The following SHTN1 variants were observed in gnomAD, a reference collection of about 807,000 sequenced individuals.
SHTN1 encodes shootin-1.
SHTN1 carries 42 observed loss-of-function variants against 83.1 expected under a neutral mutation model. The ratio of observed to expected loss-of-function variants is 0.51; its 90% CI spans 0.39 to 0.65. The LOEUF is 0.65. Among genes scored for constraint, SHTN1 ranks in the 30% least tolerant of loss-of-function variants. The pLI is 0.00. For missense variants in SHTN1, 622 were observed against 737.8 expected (o/e 0.84, Z 1.82); for synonymous variants, 224 against 247.7 (o/e 0.90, Z 0.90).
At chr10:117,101,794 T>C (rs1411822676) in intron 1 of SHTN1, among the ~76,000 whole-genome samples, 1 of 152,180 alleles carries the variant, frequency 6.6e-6, no homozygotes, top group Non-Finnish European at 1.5e-5. Flanking sequence ...TACCAAGTGC[T>C]AGAGTAAGTT....
In SHTN1 at chr10:116,953,935, T is replaced by C. The variant is rs1849882064; in HGVS notation, c.436+107A>G. On this transcript the variant is annotated intron_variant, in intron 5 of 16. Transcript: ENST00000355371. ...TGAGCCACCACGCCCTGCCTAGGCA[T>C]CAGTATTTTGAAAGCTTCCCACATG... The C allele has an allele frequency of 3.2e-6, 3 of 952,034 alleles. No homozygotes were observed. In the South Asian group the frequency reaches 5.8e-5, roughly 19 times the overall value. 59.0% of individuals were successfully genotyped at this position (952,034 alleles called of 1,614,324 possible). A position where few individuals can be genotyped will look rare whatever the true frequency, so the allele number is the denominator to read the frequency against.
intron 1 of SHTN1, among the ~76,000 whole-genome samples, chr10:116,991,599 A>G (rs1851439269): frequency 6.6e-6 from 1 of 152,142 alleles, no homozygotes; most frequent in Admixed American, 6.5e-5. Context: ...TAGCTTCATT[A>G]CTTATTGCTA....
chr10:116,975,152 TA>T (rs1207913016), intron 2 of SHTN1, among the ~76,000 whole-genome samples: 1 of 152,176 alleles, frequency 6.6e-6, no homozygotes, highest in East Asian at 1.9e-4. Flanking sequence ...ATCTTGATGT[TA>T]AAAAAACTCG....
intron 1 of SHTN1, among the ~76,000 whole-genome samples, chr10:117,094,287 G>T (rs909154749): frequency 1.3e-5 from 2 of 152,200 alleles, no homozygotes; most frequent in African/African-American, 4.8e-5. Context: ...TGATTACAAT[G>T]ACACGCAATA....
Position 116,968,800 on chromosome 10 carries a change from G to C in SHTN1, c.112-88C>G, listed in dbSNP as rs530486682. 7 of 983,388 alleles carry C rather than the reference G, an allele frequency of 7.1e-6. No homozygotes were observed. In the African/African-American group the frequency reaches 1.1e-4, roughly 16 times the overall value. The allele number at this position is 983,388 out of a possible 1,614,324, so 60.9% of individuals were successfully genotyped here. A position where few individuals can be genotyped will look rare whatever the true frequency, so the allele number is the denominator to read the frequency against. On this transcript the variant is annotated intron_variant, in intron 2 of 16. Transcript: ENST00000355371. ...AGCAAGAGCAAACTTATAAACAACA[G>C]CAATTTTCTGAAAACAAAACAAAAT...
At chr10:116,969,193 G>A (rs1213821111) in intron 2 of SHTN1, among the ~76,000 whole-genome samples, 3 of 152,160 alleles carry the variant, frequency 2.0e-5, no homozygotes, top group African/African-American at 4.8e-5. Flanking sequence ...CTGGGAGGCC[G>A]AGGCAGGCAG....
intron 1 of SHTN1, among the ~76,000 whole-genome samples, chr10:117,057,921 C>A (rs1294392846): frequency 6.6e-6 from 1 of 152,058 alleles, no homozygotes; most frequent in Non-Finnish European, 1.5e-5. Context: ...TAAGACTATT[C>A]AATAGGGAAA....
At position 116,925,915 on chromosome 10, in the gene SHTN1, TA is replaced by T. The variant is rs540596106; in HGVS notation, c.1112+1876del. Among the ~76,000 whole-genome samples, 72 of 152,158 alleles carry T rather than the reference TA, an allele frequency of 4.7e-4. No individual in the cohort carries two copies. The East Asian group carries it at 0.01, about 22-fold the overall frequency. Reference sequence around the variant, plus strand: ...AAAACAAATAGATCAGGAACAAAGTTAGAAAACTTTGATTTGTGAATTCAAA... The same window carrying T: ...AAAACAAATAGATCAGGAACAAAGTTGAAAACTTTGATTTGTGAATTCAAA... On this transcript the variant is annotated intron_variant, in intron 11 of 16. Coordinates refer to ENST00000355371, the MANE Select transcript of SHTN1 (RefSeq NM_001127211.3).
intron 1 of SHTN1, among the ~76,000 whole-genome samples, chr10:117,082,759 C>G (rs1238983554): frequency 2.6e-5 from 4 of 151,892 alleles, no homozygotes; most frequent in Non-Finnish European, 5.9e-5. Flanking sequence ...GTTAGCTCTT[C>G]TTGTTGAATT....
At chr10:116,924,528 G>A (rs557414210) in intron 11 of SHTN1, among the ~76,000 whole-genome samples, 12 of 152,158 alleles carry the variant, frequency 7.9e-5, no homozygotes, top group South Asian at 2.1e-4. Context: ...GTGCTCAAAG[G>A]AAAATCATTG....
chr10:117,021,136 G>A (rs1852258326), intron 2 of SHTN1, among the ~76,000 whole-genome samples: 1 of 152,190 alleles, frequency 6.6e-6, no homozygotes, highest in African/African-American at 2.4e-5. Flanking sequence ...ACTTTGGGAG[G>A]CCAAGGTGGG....
intron 1 of SHTN1, among the ~76,000 whole-genome samples, chr10:117,071,076 C>T (rs144555547): frequency 7.8e-4 from 118 of 151,970 alleles, no homozygotes; most frequent in African/African-American, 2.8e-3. Flanking sequence ...CTACCTTTAA[C>T]AATAAAGCAG....
chr10:117,073,456 T>C (rs911574661), intron 1 of SHTN1, among the ~76,000 whole-genome samples: 1 of 152,228 alleles, frequency 6.6e-6, no homozygotes, highest in African/African-American at 2.4e-5. Flanking sequence ...TGATGTGCAA[T>C]GGTCACATAG....
chr10:116,889,215 G>A (rs1847258209), intron 16 of SHTN1, among the ~76,000 whole-genome samples: 1 of 152,166 alleles, frequency 6.6e-6, no homozygotes, highest in Non-Finnish European at 1.5e-5. Flanking sequence ...AAAATTTCCA[G>A]GAAGTGCTCT....
upstream of SHTN1, chr10:117,005,440 T>C (rs546629086): frequency 2.6e-5 from 28 of 1,065,098 alleles, no homozygotes; most frequent in African/African-American, 4.8e-4. Context: ...CACCCTTTTC[T>C]CCGCCTCCAC....
chr10:116,991,256 C>T lies in SHTN1; in HGVS notation c.59-11948G>A, dbSNP rs113375486. Among the ~76,000 whole-genome samples the T allele has an allele frequency of 7.3e-4, 111 of 152,278 alleles. 2 individuals are homozygous for T. In the South Asian group the frequency reaches 0.022, roughly 30 times the overall value. ...TGGTTGTAGTTTTCGTATTGAGTCA[C>T]TCGTAATATATAACTTTAGTATAGA... is the stretch of plus-strand genomic sequence containing the variant. On this transcript the variant is annotated intron_variant, in intron 1 of 16. Coordinates refer to ENST00000355371, the MANE Select transcript of SHTN1 (RefSeq NM_001127211.3).
At chr10:116,887,818 T>C (rs1197328288) in intron 16 of SHTN1, among the ~76,000 whole-genome samples, 1 of 152,146 alleles carries the variant, frequency 6.6e-6, no homozygotes, top group East Asian at 1.9e-4. Context: ...ACTAATAAAC[T>C]GAAGGGTTCA....
At chr10:116,921,321 G>C in intron 12 of SHTN1, 113 bp downstream of exon 12, 1 of 700,560 alleles carries the variant, frequency 1.4e-6, no homozygotes, top group Non-Finnish European at 2.5e-6. Context: ...GCTGTTCAGT[G>C]CTTCATACTA....
At chr10:117,108,368 T>C (rs934983387) in intron 1 of SHTN1, among the ~76,000 whole-genome samples, 1 of 152,060 alleles carries the variant, frequency 6.6e-6, no homozygotes, top group Non-Finnish European at 1.5e-5. Context: ...CATGGAATAC[T>C]ATGCAGCCAT....
Sources: gnomAD v4.1 joint callset for allele counts (sites outside exome capture counted in the v4.1 genomes callset) on GRCh38, gnomAD v4.1.1 for gene constraint, MANE v1.5 for transcripts, NCBI Gene and HGNC (gene_info 2026-07-23, HGNC 2026-07-21) for gene names.